The following EML1 variants were observed in gnomAD, a reference collection of about 807,000 sequenced individuals.
The protein encoded by EML1 is echinoderm microtubule-associated protein-like 1.
In EML1, 27 loss-of-function variants were observed where a neutral mutation model predicts 110.4. The ratio of observed to expected loss-of-function variants is 0.24; its 90% CI spans 0.18 to 0.34. EML1 has a LOEUF of 0.34. Among genes scored for constraint, EML1 ranks in the 10% least tolerant of loss-of-function variants. The pLI is 1.00. For synonymous variants in EML1, 344 were observed against 385.8 expected (o/e 0.89, Z 1.27); for missense variants, 741 against 1,030.9 (o/e 0.72, Z 3.85).
intron 1 of EML1, among the ~76,000 whole-genome samples, chr14:99,747,992 G>T (rs947936824): frequency 2.6e-5 from 4 of 152,220 alleles, no homozygotes; most frequent in Non-Finnish European, 4.4e-5. Flanking sequence ...CCCTAAAGAG[G>T]TTCCCTTAGG....
Position 99,939,064 on chromosome 14 carries a change from T to G in EML1, c.2192-133T>G. On this transcript the variant is annotated intron_variant, in intron 20 of 21. Coordinates refer to ENST00000262233, the MANE Select transcript of EML1 (RefSeq NM_004434.3). This position sits in a 1 kb window ranked among gnomAD's most constrained non-coding sequence, Gnocchi z 4.2. ...AGGCCAGGAACTGAGGCTATTGTGCTTTTTTGACCCTTGTTTCTAAAGCTG... is the reference window on the plus strand; with the variant it reads ...AGGCCAGGAACTGAGGCTATTGTGCGTTTTTGACCCTTGTTTCTAAAGCTG... The G allele has an allele frequency of 1.4e-6, 2 of 1,412,742 alleles. No individual in the cohort carries two copies. The highest frequency in any genetic ancestry group is 1.9e-6 in the Non-Finnish European group (2 of 1,048,860). The allele number at this position is 1,412,742 out of a possible 1,614,324, so 87.5% of individuals were successfully genotyped here.
At chr14:99,791,718 C>T (rs144930267), upstream of EML1, among the ~76,000 whole-genome samples, 136 of 152,284 alleles carry the variant, frequency 8.9e-4, 1 homozygote, top group Non-Finnish European at 1.5e-3. Flanking sequence ...GCAGCCCAGT[C>T]GGCAGGCAGA....
chr14:99,810,069 T>C (rs1452177599), intron 1 of EML1, among the ~76,000 whole-genome samples: 1 of 152,200 alleles, frequency 6.6e-6, no homozygotes, highest in Non-Finnish European at 1.5e-5. Context: ...TGCTGACTTG[T>C]ATCTGCGGAC....
intron 4 of EML1, among the ~76,000 whole-genome samples, chr14:99,880,595 C>T (rs562948967): frequency 2.0e-5 from 3 of 152,300 alleles, no homozygotes; most frequent in South Asian, 4.1e-4. Flanking sequence ...TGGCATGCCT[C>T]GTCCCCATCG....
At chr14:99,891,140 T>C (rs372767947) in intron 4 of EML1, 59 bp from the exon 5 acceptor site, 1 of 1,610,194 alleles carries the variant, frequency 6.2e-7, no homozygotes, top group African/African-American at 1.3e-5. Flanking sequence ...GGGTCTGAAG[T>C]GAATGAGATG....
intron 1 of EML1, among the ~76,000 whole-genome samples, chr14:99,807,691 C>T (rs756778684): frequency 6.6e-6 from 1 of 152,158 alleles, no homozygotes; most frequent in Non-Finnish European, 1.5e-5. Context: ...CTGCTCCTAC[C>T]CAAGGGGAAG....
At chr14:99,753,190 CCCCCCGCCCCCCCGCCG>C (rs1258940008) in intron 1 of EML1, among the ~76,000 whole-genome samples, 1 of 60,222 alleles carries the variant, frequency 1.7e-5, no homozygotes, top group African/African-American at 5.0e-5. Flanking sequence ...CCTACCCGCA[CCCCCCGCCCCCCCGCCG>C]CCCCCCCACC....
rs1369712175 is a variant in EML1 at position 99,939,414 on chromosome 14, T to C, written c.2322+87T>C. 4 of 1,561,630 alleles carry C rather than the reference T, an allele frequency of 2.6e-6. No individual in the cohort carries two copies. Among genetic ancestry groups the C allele is most frequent in the East Asian group, 4.5e-5 (2 of 44,316 alleles). Reference sequence around the variant, plus strand: ...GTTTGGAGACTAAGTGGAAATGGGCTGTGAGCGACTGCTGCCAGCCACAAA... The same window carrying C: ...GTTTGGAGACTAAGTGGAAATGGGCCGTGAGCGACTGCTGCCAGCCACAAA... On this transcript the variant is annotated intron_variant, in intron 21 of 21. Transcript: ENST00000262233. The surrounding 1 kb of genome is among the most constrained non-coding windows in gnomAD (Gnocchi z 4.2).
chr14:99,894,887 T>C, intron 6 of EML1, 129 bp downstream of exon 6: 2 of 1,237,532 alleles, frequency 1.6e-6, no homozygotes. Flanking sequence ...TACTGTTACT[T>C]TTGAAAACTT....
chr14:99,937,683 G>A (rs538103535), intron 19 of EML1, 134 bp from the exon 20 acceptor site: 9 of 702,914 alleles, frequency 1.3e-5, no homozygotes, highest in African/African-American at 7.1e-5. Context: ...GTTCCTGCCC[G>A]ACTGGGAAGT....
intron 2 of EML1, among the ~76,000 whole-genome samples, chr14:99,856,120 T>C (rs2058898152): frequency 6.6e-6 from 1 of 152,154 alleles, no homozygotes; most frequent in Non-Finnish European, 1.5e-5. Context: ...ATTTTATAGA[T>C]GAGAATGAAA....
At chr14:99,898,681 G>A (rs1039882164) in intron 8 of EML1, among the ~76,000 whole-genome samples, 1 of 151,600 alleles carries the variant, frequency 6.6e-6, no homozygotes, top group African/African-American at 2.4e-5. Context: ...GAACCCGGGA[G>A]GCGGAGGTTG....
Position 99,784,092 on chromosome 14 carries a change from GTCT to G in EML1, c.-27+10084_-27+10086del, listed in dbSNP as rs1460135594. On this transcript the variant is annotated intron_variant, in intron 1 of 22. Transcript: ENST00000327921. The surrounding 1 kb of genome is among the most constrained non-coding windows in gnomAD (Gnocchi z 4.5). ...TTCCTAAATGTAAGGACTTTTTCTT[GTCT>G]TCTTTTTTTTTTTGAGATAGGATCT... 6.6e-6 allele frequency among the ~76,000 whole-genome samples: 1 copy of G among 151,854 alleles called. No individual in the cohort carries two copies. The highest frequency in any genetic ancestry group is 2.4e-5 in the African/African-American group (1 of 41,324).
At chr14:99,846,292 T>TTTTC (rs2058706870) in intron 1 of EML1, among the ~76,000 whole-genome samples, 1 of 146,440 alleles carries the variant, frequency 6.8e-6, no homozygotes, top group Admixed American at 6.7e-5. Context: ...TTTTTTTTTT[T>TTTTC]TTTTTTTTGA....
At position 99,749,999 on chromosome 14, in the gene EML1, C is replaced by G. The variant is rs192489587; in HGVS notation, c.28+12139C>G. Among the ~76,000 whole-genome samples the G allele has an allele frequency of 1.8e-3, 275 of 152,352 alleles. 2 individuals carry two copies. Among genetic ancestry groups the G allele is most frequent in the African/African-American group, 6.2e-3 (258 of 41,578 alleles). The stretch of plus-strand genomic sequence containing the variant: ...TCTGTCAGTGGAGAGCTCTGGAAGG[C>G]AGCCAGGAGTGTCCTCCCGCGAGGT... On this transcript the variant is annotated intron_variant, in intron 1 of 10. Coordinates refer to the EML1 transcript ENST00000554479.
At chr14:99,919,166 G>C (rs893301932) in intron 16 of EML1, among the ~76,000 whole-genome samples, 1 of 152,116 alleles carries the variant, frequency 6.6e-6, no homozygotes, top group African/African-American at 2.4e-5. Context: ...TCCAGGTTTT[G>C]ATTGAACATT....
Position 99,917,896 on chromosome 14 carries a change from G to A in EML1, c.1820+47G>A, listed in dbSNP as rs182125792. On this transcript the variant is annotated intron_variant, in intron 16 of 21. Coordinates refer to ENST00000262233, the MANE Select transcript of EML1 (RefSeq NM_004434.3). ...TTGTGCTTGCAAAGCTTATGGAAAAGAGGCCTGTTGTTTCTATTTCCCCAG... is the reference window on the plus strand; with the variant it reads ...TTGTGCTTGCAAAGCTTATGGAAAAAAGGCCTGTTGTTTCTATTTCCCCAG... 221 of 1,584,214 alleles carry A rather than the reference G, an allele frequency of 1.4e-4. No individual in the cohort carries two copies. The African/African-American group carries it at 2.6e-3, about 19-fold the overall frequency.
At chr14:99,824,735 A>G (rs1185476264) in intron 1 of EML1, among the ~76,000 whole-genome samples, 1 of 152,138 alleles carries the variant, frequency 6.6e-6, no homozygotes, top group African/African-American at 2.4e-5. Context: ...AGTGGACCCC[A>G]TAGTGAGCAC....
intron 4 of EML1, among the ~76,000 whole-genome samples, chr14:99,889,581 C>G (rs919408067): frequency 6.6e-6 from 1 of 152,164 alleles, no homozygotes. Flanking sequence ...TATGGAGCAG[C>G]GAACATGAAT....
Sources: gnomAD v4.1 joint callset for allele counts (sites outside exome capture counted in the v4.1 genomes callset) on GRCh38, gnomAD v4.1.1 for gene constraint, Gnocchi (gnomAD v3.1) non-coding constraint, MANE v1.5 for transcripts, NCBI Gene and HGNC (gene_info 2026-07-23, HGNC 2026-07-21) for gene names.